The following MKLN1 variants were observed in gnomAD, a reference collection of about 807,000 sequenced individuals.
MKLN1 encodes muskelin.
In MKLN1, 18 loss-of-function variants were observed where a neutral mutation model predicts 99.0. That is an observed-to-expected ratio of 0.18 (90% CI 0.13 to 0.27). The LOEUF is 0.27. Ranked by LOEUF, MKLN1 falls within the 10% of genes least tolerant of loss-of-function variation. MKLN1 has a pLI of 1.00. For synonymous variants in MKLN1, 288 were observed against 293.2 expected, an observed-to-expected ratio of 0.98 and a Z score of 0.18; for missense variants, 621 against 875.9, an observed-to-expected ratio of 0.71 and a Z score of 3.67.
At chr7:131,471,042 C>T (rs925207200) in intron 16 of MKLN1, 98 bp downstream of exon 16, 17 of 760,914 alleles carry the variant, frequency 2.2e-5, no homozygotes, top group African/African-American at 9.0e-5. Context: ...TAAAGGAAAA[C>T]GAAGAAAATA....
intron 3 of MKLN1, among the ~76,000 whole-genome samples, chr7:131,236,437 G>A (rs1406086798): frequency 6.6e-6 from 1 of 152,228 alleles, no homozygotes. Flanking sequence ...AAGGTAGGCA[G>A]ATCACTCGAG....
At chr7:131,116,819 T>C (rs1795284906) in intron 1 of MKLN1, among the ~76,000 whole-genome samples, 1 of 152,126 alleles carries the variant, frequency 6.6e-6, no homozygotes, top group African/African-American at 2.4e-5. Flanking sequence ...ATCTATTTTT[T>C]ACTGTCAAGT....
At chr7:131,142,410 C>CAA (rs35890144) in intron 1 of MKLN1, among the ~76,000 whole-genome samples, 37 of 138,564 alleles carry the variant, frequency 2.7e-4, no homozygotes, top group African/African-American at 5.4e-4. Context: ...GACTCCATTT[C>CAA]AAAAAAAAAA....
chr7:131,162,361 AT>A (rs965137714), intron 2 of MKLN1, among the ~76,000 whole-genome samples: 2 of 152,078 alleles, frequency 1.3e-5, no homozygotes, highest in African/African-American at 4.8e-5. Context: ...GGTGTGTTAT[AT>A]TTTTTACTGT....
At chr7:131,481,117 C>T (rs1303914715) in intron 17 of MKLN1, among the ~76,000 whole-genome samples, 1 of 152,056 alleles carries the variant, frequency 6.6e-6, no homozygotes, top group East Asian at 1.9e-4. Context: ...AGGGGAAATT[C>T]CTGTGGGATG....
chr7:131,327,856 G>T (rs995579732), upstream of MKLN1: 1 of 1,602,500 alleles, frequency 6.2e-7, no homozygotes. Flanking sequence ...CCCTCCTCCC[G>T]TTCGCTGCCA....
At chr7:131,210,960 C>T (rs1039848270) in intron 3 of MKLN1, among the ~76,000 whole-genome samples, 2 of 151,442 alleles carry the variant, frequency 1.3e-5, no homozygotes, top group Non-Finnish European at 2.9e-5. Context: ...CAGGTTCCCA[C>T]ATTACCAAGT....
upstream of MKLN1, among the ~76,000 whole-genome samples, chr7:131,325,840 A>G (rs768765091): frequency 2.7e-5 from 4 of 148,324 alleles, no homozygotes. Flanking sequence ...CAAGGACTCT[A>G]TGGGAACAAA....
At chr7:131,326,096 G>A (rs1386547951), upstream of MKLN1, among the ~76,000 whole-genome samples, 1 of 152,200 alleles carries the variant, frequency 6.6e-6, no homozygotes, top group Non-Finnish European at 1.5e-5. Context: ...CTTACATTAA[G>A]GTAAGAAGTG....
intron 1 of MKLN1, among the ~76,000 whole-genome samples, chr7:131,131,276 C>T (rs947555948): frequency 2.6e-5 from 4 of 151,796 alleles, no homozygotes; most frequent in African/African-American, 9.7e-5. Context: ...ACTCGGGAGG[C>T]TGAGGAGGGA....
At chr7:131,195,446 G>A (rs1236818272) in intron 2 of MKLN1, among the ~76,000 whole-genome samples, 1 of 151,800 alleles carries the variant, frequency 6.6e-6, no homozygotes, top group Non-Finnish European at 1.5e-5. Flanking sequence ...GGGAGGTGGA[G>A]GTTGCAACGA....
intron 12 of MKLN1, among the ~76,000 whole-genome samples, chr7:131,460,627 G>A (rs1219817308): frequency 6.6e-6 from 1 of 152,108 alleles, no homozygotes; most frequent in Non-Finnish European, 1.5e-5. Flanking sequence ...TCTTCTCTTT[G>A]TATCCGATGA....
intron 1 of MKLN1, among the ~76,000 whole-genome samples, chr7:131,364,456 A>G (rs566060275): frequency 2.0e-5 from 3 of 151,772 alleles, no homozygotes; most frequent in East Asian, 3.9e-4. Context: ...TTCCTAATGT[A>G]TAAGGACTTT....
chr7:131,459,515 G>C (rs1386846303), intron 12 of MKLN1, among the ~76,000 whole-genome samples: 1 of 152,164 alleles, frequency 6.6e-6, no homozygotes, highest in East Asian at 1.9e-4. Flanking sequence ...TTCTGAAGCT[G>C]TTCTGAGGCC....
At chr7:131,262,057 T>C (rs1271660879) in intron 3 of MKLN1, among the ~76,000 whole-genome samples, 1 of 152,076 alleles carries the variant, frequency 6.6e-6, no homozygotes, top group Non-Finnish European at 1.5e-5. Context: ...ATTATCTGGG[T>C]GATGAAATAA....
intron 2 of MKLN1, among the ~76,000 whole-genome samples, chr7:131,154,756 G>A (rs1795939896): frequency 6.6e-6 from 1 of 152,166 alleles, no homozygotes; most frequent in Non-Finnish European, 1.5e-5. Context: ...TCATTTAGAT[G>A]TTCCCAATTC....
intron 3 of MKLN1, among the ~76,000 whole-genome samples, chr7:131,234,406 G>T (rs1797286916): frequency 6.6e-6 from 1 of 152,042 alleles, no homozygotes; most frequent in Non-Finnish European, 1.5e-5. Flanking sequence ...CCCCAAATAT[G>T]CCAGTTTCCC....
rs74926000 is a variant in MKLN1, at chr7:131,171,836, G to A, written c.-297+28895G>A. Among the ~76,000 whole-genome samples the A allele has an allele frequency of 9.5e-3, 1,440 of 152,314 alleles. 29 individuals are homozygous for A. Among genetic ancestry groups the A allele is most frequent in the African/African-American group, 0.033 (1,364 of 41,556 alleles). Reference sequence around the variant, plus strand: ...AGAAATACAACATTGACAAAGAACAGATAGAACTTGGGTTTGTAGAGCAAA... The same window carrying A: ...AGAAATACAACATTGACAAAGAACAAATAGAACTTGGGTTTGTAGAGCAAA... On this transcript the variant is annotated intron_variant, in intron 2 of 7. Coordinates refer to the MKLN1 transcript ENST00000416992.
chr7:131,311,956 T>A (rs556519659), intron 3 of MKLN1, among the ~76,000 whole-genome samples: 1 of 152,312 alleles, frequency 6.6e-6, no homozygotes, highest in South Asian at 2.1e-4. Flanking sequence ...AAGGCTAATT[T>A]CATTAAATCC....
Sources: gnomAD v4.1 joint callset for allele counts (sites outside exome capture counted in the v4.1 genomes callset) on GRCh38, gnomAD v4.1.1 for gene constraint, MANE v1.5 for transcripts, NCBI Gene and HGNC (gene_info 2026-07-23, HGNC 2026-07-21) for gene names.